Variants in BTBD1 observed in about 807,000 individuals in gnomAD.
The protein encoded by BTBD1 is BTB domain containing 1.
BTBD1 carries 34 observed loss-of-function variants against 48.0 expected under a neutral mutation model. That is an observed-to-expected ratio of 0.71 (90% CI 0.54 to 0.94). The LOEUF (loss-of-function observed/expected upper bound fraction) is 0.94, where lower values mean the gene tolerates loss of function less well. Among genes scored for constraint, BTBD1 ranks in the 40% least tolerant of loss-of-function variants. BTBD1 has a pLI of 0.00. For missense variants in BTBD1, 543 were observed against 625.6 expected (o/e 0.87, Z 1.41); for synonymous variants, 261 against 242.1 (o/e 1.08, Z -0.72).
At chr15:83,058,160 A>G (rs892168742) in intron 1 of BTBD1, among the ~76,000 whole-genome samples, 2 of 152,152 alleles carry the variant, frequency 1.3e-5, no homozygotes, top group Non-Finnish European at 2.9e-5. Context: ...CTTACTTCCA[A>G]CTGCTAGCCA....
At chr15:83,022,054 T>A (rs1366920671) in intron 5 of BTBD1, among the ~76,000 whole-genome samples, 1 of 151,866 alleles carries the variant, frequency 6.6e-6, no homozygotes, top group African/African-American at 2.4e-5. Flanking sequence ...AACATGTAAT[T>A]TTTTTTAAAG....
At chr15:83,050,496 T>G (rs941273098) in intron 2 of BTBD1, among the ~76,000 whole-genome samples, 2 of 151,844 alleles carry the variant, frequency 1.3e-5, no homozygotes, top group Non-Finnish European at 2.9e-5. Context: ...TTACTTATTC[T>G]GATCCTTAAT....
intron 3 of BTBD1, among the ~76,000 whole-genome samples, chr15:83,046,663 A>G (rs1246012003): frequency 1.3e-5 from 2 of 152,264 alleles, no homozygotes; most frequent in East Asian, 1.9e-4. Flanking sequence ...CAGCTACCCT[A>G]ACAGGGAGGA....
intron 1 of BTBD1, among the ~76,000 whole-genome samples, chr15:83,060,726 G>A (rs886316340): frequency 6.6e-6 from 1 of 152,156 alleles, no homozygotes; most frequent in Non-Finnish European, 1.5e-5. Context: ...CCCAGCAAGC[G>A]GAGATTGGGT....
chr15:83,030,566 C>T (rs1334525505), intron 4 of BTBD1: 1 of 417,588 alleles, frequency 2.4e-6, no homozygotes, highest in African/African-American at 2.0e-5. Flanking sequence ...GGAATAAATG[C>T]TATTCCTCAT....
At chr15:83,055,748 T>G (rs1036774807) in intron 2 of BTBD1, among the ~76,000 whole-genome samples, 1 of 152,216 alleles carries the variant, frequency 6.6e-6, no homozygotes, top group Non-Finnish European at 1.5e-5. Context: ...TTATTCCAGA[T>G]CCAGCAAAAT....
intron 4 of BTBD1, 87 bp from the exon 5 acceptor site, chr15:83,030,415 G>A (rs2032493986): frequency 8.8e-7 from 1 of 1,135,588 alleles, no homozygotes; most frequent in Non-Finnish European, 1.3e-6. Flanking sequence ...TTCAAATCTA[G>A]AGGACGTAAC....
In BTBD1 at chr15:83,066,693, TCCCAGCCCGGCCCGGCCCGG is replaced by T. The variant is rs762722000; in HGVS notation, c.401+38_401+57del. The T allele has an allele frequency of 1.2e-3, 1,472 of 1,217,372 alleles. 17 individuals are homozygous for T. In the African/African-American group the frequency reaches 0.027, roughly 22 times the overall value. 75.4% of individuals were successfully genotyped at this position (1,217,372 alleles called of 1,614,324 possible). A position where few individuals can be genotyped will look rare whatever the true frequency, so the allele number is the denominator to read the frequency against. ...CCGGGTAGGCCGGGCCCCGGGGATC[TCCCAGCCCGGCCCGGCCCGG>T]CCCGGCCCGGCCCGGCCCGGCCCGC... is the stretch of plus-strand genomic sequence containing the variant. On this transcript the variant is annotated intron_variant, in intron 1 of 7. Transcript: ENST00000261721.
chr15:83,051,803 T>G (rs889145234), intron 2 of BTBD1, among the ~76,000 whole-genome samples: 1 of 151,554 alleles, frequency 6.6e-6, no homozygotes, highest in Admixed American at 6.6e-5. Flanking sequence ...TGAAAACCCA[T>G]ATACCCTTTA....
chr15:83,026,675 C>A (rs753491043), intron 5 of BTBD1, among the ~76,000 whole-genome samples: 1 of 151,796 alleles, frequency 6.6e-6, no homozygotes, highest in Non-Finnish European at 1.5e-5. Flanking sequence ...GGCATGTGCC[C>A]CCACACCTGG....
chr15:83,052,749 G>A (rs1371403886), intron 2 of BTBD1, among the ~76,000 whole-genome samples: 1 of 146,832 alleles, frequency 6.8e-6, no homozygotes, highest in African/African-American at 2.5e-5. Flanking sequence ...TACTGCCTCA[G>A]CCTCCCGAGT....
intron 5 of BTBD1, among the ~76,000 whole-genome samples, chr15:83,021,267 A>G (rs1340719803): frequency 6.6e-6 from 1 of 152,236 alleles, no homozygotes; most frequent in Non-Finnish European, 1.5e-5. Context: ...ATAAATAAAT[A>G]ATTACAAATT....
At chr15:83,066,317 G>A (rs1044529076) in intron 1 of BTBD1, among the ~76,000 whole-genome samples, 15 of 151,974 alleles carry the variant, frequency 9.9e-5, no homozygotes, top group African/African-American at 2.7e-4. Flanking sequence ...GCGGGGGGAA[G>A]GGGGTGACAA....
chr15:83,046,726 C>G (rs529084970), intron 3 of BTBD1, among the ~76,000 whole-genome samples: 1 of 152,278 alleles, frequency 6.6e-6, no homozygotes, highest in East Asian at 1.9e-4. Context: ...GTTTAGGGCT[C>G]TCAAATATCC....
chr15:83,019,612 G>A (rs1268329863), intron 6 of BTBD1, among the ~76,000 whole-genome samples: 3 of 136,622 alleles, frequency 2.2e-5, no homozygotes, highest in East Asian at 2.1e-4. Flanking sequence ...TTTTTGAGAC[G>A]GAGTCTCACT....
chr15:83,057,146 AGAAG>A (rs1306350683), intron 1 of BTBD1, among the ~76,000 whole-genome samples: 1 of 152,220 alleles, frequency 6.6e-6, no homozygotes, highest in Non-Finnish European at 1.5e-5. Flanking sequence ...CCTCTCACAT[AGAAG>A]GAAGGTGCTA....
chr15:83,045,704 T>C (rs1480484349), intron 3 of BTBD1, among the ~76,000 whole-genome samples: 1 of 152,118 alleles, frequency 6.6e-6, no homozygotes, highest in Non-Finnish European at 1.5e-5. Flanking sequence ...TATCTCTTAT[T>C]GTAGCTGAGC....
intron 1 of BTBD1, among the ~76,000 whole-genome samples, chr15:83,058,799 C>T (rs1210094637): frequency 3.9e-5 from 6 of 152,008 alleles, no homozygotes; most frequent in South Asian, 2.1e-4. Flanking sequence ...GGACAAGTGC[C>T]GCAAACCTAT....
chr15:83,047,682 G>A (rs1490903810), intron 3 of BTBD1, among the ~76,000 whole-genome samples: 1 of 152,154 alleles, frequency 6.6e-6, no homozygotes, highest in Non-Finnish European at 1.5e-5. Context: ...ATAATAGCTA[G>A]GCTCTAGGGC....
Sources: allele counts gnomAD v4.1 joint callset (sites outside exome capture counted in the v4.1 genomes callset), GRCh38; gene constraint gnomAD v4.1.1; transcripts MANE v1.5; gene names NCBI Gene and HGNC (gene_info 2026-07-23, HGNC 2026-07-21).